MTR: variants seen among roughly 807,000 people sequenced by gnomAD.
MTR encodes methionine synthase.
In MTR, 84 loss-of-function variants were observed where a neutral mutation model predicts 154.8. The observed-to-expected ratio is 0.54, with a 90% confidence interval of 0.45 to 0.65. The LOEUF (loss-of-function observed/expected upper bound fraction) is 0.65. Among genes scored for constraint, MTR ranks in the 30% least tolerant of loss-of-function variants. MTR has a pLI of 0.00. For synonymous variants in MTR, 554 were observed against 553.9 expected, an observed-to-expected ratio of 1.00 and a Z score of 0.00; for missense variants, 1,275 against 1,570.2, an observed-to-expected ratio of 0.81 and a Z score of 3.18.
intron 1 of MTR, among the ~76,000 whole-genome samples, chr1:236,800,855 C>A (rs1660664318): frequency 6.6e-6 from 1 of 152,200 alleles, no homozygotes; most frequent in Admixed American, 6.5e-5. Context: ...TATCACAGTT[C>A]TGATGATGAA....
chr1:236,820,156 T>C lies in MTR; in HGVS notation c.764+3613T>C, dbSNP rs1661843532. On this transcript the variant is annotated intron_variant, in intron 8 of 32. Transcript: ENST00000366577. ...GGGAGCTCACTCGGTGGGTTTGATGTGGTGGATGCTGGCCTGAGAAGTTCT... is the reference window on the plus strand; with the variant it reads ...GGGAGCTCACTCGGTGGGTTTGATGCGGTGGATGCTGGCCTGAGAAGTTCT... 3.9e-6 allele frequency: 3 copies of C among 764,026 alleles called. No individual in the cohort carries two copies. In the African/African-American group the frequency reaches 5.1e-5, roughly 13 times the overall value. 47.3% of individuals were successfully genotyped at this position (764,026 alleles called of 1,614,324 possible).
chr1:236,861,042 C>A, intron 19 of MTR, 83 bp from the exon 20 acceptor site: 1 of 1,217,974 alleles, frequency 8.2e-7, no homozygotes, highest in Non-Finnish European at 1.1e-6. Context: ...TTCATGATGG[C>A]TCTGTGGAGG....
At chr1:236,803,406 C>G in intron 1 of MTR, 22 bp from the exon 2 acceptor site, 1 of 1,610,470 alleles carries the variant, frequency 6.2e-7, no homozygotes, top group Non-Finnish European at 8.5e-7. Context: ...TCTTTGAAGT[C>G]AAACTTTCAC....
chr1:236,801,586 T>A (rs1241619433), intron 1 of MTR, among the ~76,000 whole-genome samples: 1 of 152,228 alleles, frequency 6.6e-6, no homozygotes, highest in Non-Finnish European at 1.5e-5. Context: ...TTGCCTCTTC[T>A]TTCTCATCTT....
At chr1:236,796,065 GTTTT>G (rs879419129) in intron 1 of MTR, among the ~76,000 whole-genome samples, 1 of 147,082 alleles carries the variant, frequency 6.8e-6, no homozygotes, top group Non-Finnish European at 1.5e-5. Flanking sequence ...CCCTCTGGAA[GTTTT>G]TTTTTTTGCA....
chr1:236,857,792 G>A (rs1664289236), intron 18 of MTR, among the ~76,000 whole-genome samples: 1 of 152,186 alleles, frequency 6.6e-6, no homozygotes, highest in Non-Finnish European at 1.5e-5. Context: ...AAGCCTGAGG[G>A]AGATTCTGAC....
At chr1:236,831,788 A>G (rs1030561031) in intron 12 of MTR, among the ~76,000 whole-genome samples, 178 bp from the exon 13 acceptor site, 2 of 152,206 alleles carry the variant, frequency 1.3e-5, no homozygotes, top group East Asian at 1.9e-4. Flanking sequence ...AATAGCCTTT[A>G]CTGCATTTGA....
intron 22 of MTR, among the ~76,000 whole-genome samples, chr1:236,869,849 T>C (rs1012068619): frequency 6.6e-6 from 1 of 152,220 alleles, no homozygotes; most frequent in Non-Finnish European, 1.5e-5. Flanking sequence ...TGCTGGTCTC[T>C]GCCTAGACTT....
chr1:236,895,246 TG>T, intron 30 of MTR, 111 bp from the exon 31 acceptor site: 2 of 1,166,114 alleles, frequency 1.7e-6, no homozygotes, highest in Non-Finnish European at 2.5e-6. Flanking sequence ...CCCCTGGCTG[TG>T]GTCCAGATGA....
chr1:236,879,373 T>A (rs1275265896), intron 24 of MTR, among the ~76,000 whole-genome samples: 2 of 152,250 alleles, frequency 1.3e-5, no homozygotes, highest in African/African-American at 4.8e-5. Flanking sequence ...GCATTAAATA[T>A]AGTGTTCTGC....
intron 18 of MTR, among the ~76,000 whole-genome samples, chr1:236,853,788 G>C (rs1558312289): frequency 6.6e-6 from 1 of 152,148 alleles, no homozygotes; most frequent in East Asian, 1.9e-4. Context: ...GCTTAGGTCT[G>C]TGCACATTTG....
chr1:236,836,930 C>A (rs1412759655), intron 14 of MTR, among the ~76,000 whole-genome samples: 1 of 152,188 alleles, frequency 6.6e-6, no homozygotes, highest in Admixed American at 6.5e-5. Flanking sequence ...ATGGGATCAT[C>A]AAACCCCCTT....
At chr1:236,857,959 C>G (rs913610342) in intron 18 of MTR, among the ~76,000 whole-genome samples, 5 of 152,182 alleles carry the variant, frequency 3.3e-5, no homozygotes, top group African/African-American at 1.2e-4. Flanking sequence ...TAGCCAGAGT[C>G]TGGCATGGTC....
intron 29 of MTR, among the ~76,000 whole-genome samples, chr1:236,891,551 T>G (rs1572342552): frequency 6.6e-6 from 1 of 151,076 alleles, no homozygotes. Flanking sequence ...TCAGCAGGAG[T>G]GAGGCGTTTA....
chr1:236,850,618 TG>T, intron 16 of MTR, 95 bp downstream of exon 16: 1 of 787,726 alleles, frequency 1.3e-6, no homozygotes, highest in East Asian at 3.8e-5. Flanking sequence ...TATTGGCTGA[TG>T]AAATGTTAAC....
Position 236,803,471 on chromosome 1 carries a change from G to T in MTR, c.78G>T (p.Leu26=). The T allele has an allele frequency of 6.2e-7, 1 of 1,614,182 alleles. No individual in the cohort carries two copies. The highest frequency in any genetic ancestry group is 8.5e-7 in the Non-Finnish European group (1 of 1,180,030). ...TGCGGGATGAGATCAATGCCATTCTGCAGAAGAGGATTATGGTGCTGGATG... is the reference window on the plus strand; with the variant it reads ...TGCGGGATGAGATCAATGCCATTCTTCAGAAGAGGATTATGGTGCTGGATG... ...KTLRDEINAI[L]QKRIMVLDGG... is the part of the protein sequence containing the mutation. The change falls in exon 2 of 33, where the codon CTG becomes CTT. Residue 26 remains leucine (L), a synonymous_variant. Transcript: ENST00000366577.
At chr1:236,887,151 A>C (rs113717906) in intron 27 of MTR, among the ~76,000 whole-genome samples, 50 of 152,362 alleles carry the variant, frequency 3.3e-4, no homozygotes, top group African/African-American at 1.2e-3. Context: ...TTCCAAGGTA[A>C]TGTATCAAAT....
chr1:236,878,405 T>G (rs139337086), intron 24 of MTR, among the ~76,000 whole-genome samples: 1 of 152,258 alleles, frequency 6.6e-6, no homozygotes, highest in East Asian at 1.9e-4. Context: ...AAAACATCGC[T>G]GAGGGGAGAT....
At chr1:236,861,962 C>T (rs1466790730) in intron 20 of MTR, among the ~76,000 whole-genome samples, 1 of 152,122 alleles carries the variant, frequency 6.6e-6, no homozygotes, top group African/African-American at 2.4e-5. Flanking sequence ...TAGAGGGCCT[C>T]CTAGACAGAG....
Sources: gnomAD v4.1 joint callset for allele counts (sites outside exome capture counted in the v4.1 genomes callset) on GRCh38, gnomAD v4.1.1 for gene constraint, MANE v1.5 for transcripts, NCBI Gene and HGNC (gene_info 2026-07-23, HGNC 2026-07-21) for gene names.